The following IRAK1BP1 variants were observed in gnomAD, a reference collection of about 807,000 sequenced individuals.
IRAK1BP1 encodes the protein interleukin 1 receptor associated kinase 1 binding protein 1.
A neutral mutation model predicts 28.0 loss-of-function variants in IRAK1BP1; 24 were observed. That is an observed-to-expected ratio of 0.86 (90% CI 0.62 to 1.20). The LOEUF is 1.20. IRAK1BP1 is among the 50% of genes most tolerant of loss of function. The pLI, the probability that IRAK1BP1 is intolerant of heterozygous loss-of-function variation, is 0.00. For synonymous variants in IRAK1BP1, 131 were observed against 116.3 expected (o/e 1.13, Z -0.81); for missense variants, 336 against 316.7 (o/e 1.06, Z -0.46).
intron 3 of IRAK1BP1, 29 bp downstream of exon 3, chr6:78,897,988 T>A (rs777725608): frequency 1.5e-5 from 24 of 1,611,254 alleles, no homozygotes; most frequent in Non-Finnish European, 1.9e-5. Flanking sequence ...TTAACTAAGA[T>A]ATTCTTTAAA....
chr6:78,879,020 T>C (rs951790861), intron 1 of IRAK1BP1, among the ~76,000 whole-genome samples: 5 of 152,196 alleles, frequency 3.3e-5, no homozygotes, highest in Non-Finnish European at 7.3e-5. Flanking sequence ...CTACGTCTGA[T>C]TGGTGTACCT....
intron 4 of IRAK1BP1, among the ~76,000 whole-genome samples, chr6:78,921,733 A>G (rs1276114791): frequency 6.6e-6 from 1 of 152,180 alleles, no homozygotes; most frequent in East Asian, 1.9e-4. Flanking sequence ...AAACTTCCAG[A>G]GGAACGATCA....
the IRAK1BP1 span, chr6:78,958,032 C>T: frequency 6.5e-6 from 1 of 154,386 alleles, no homozygotes; most frequent in South Asian, 2.0e-4. Context: ...ACCGTGCAAC[C>T]TTATACATGT....
the IRAK1BP1 span, among the ~76,000 whole-genome samples, chr6:78,969,604 A>G: frequency 6.6e-6 from 1 of 152,294 alleles, no homozygotes; most frequent in Non-Finnish European, 1.5e-5. Flanking sequence ...ACATGAAAAT[A>G]AAGTCAAATG....
At chr6:78,940,968 C>T (rs375999660) in intron 4 of IRAK1BP1, 1 of 1,613,844 alleles carries the variant, frequency 6.2e-7, no homozygotes, top group Non-Finnish European at 8.5e-7. Context: ...CTTGCAGGGA[C>T]TAGGAGATCT....
chr6:78,972,813 AG>A, the IRAK1BP1 span, among the ~76,000 whole-genome samples: 1 of 152,208 alleles, frequency 6.6e-6, no homozygotes, highest in Admixed American at 6.5e-5. Context: ...TGAAGCGAGA[AG>A]GGAAGTTTAG....
intron 2 of IRAK1BP1, among the ~76,000 whole-genome samples, chr6:78,895,536 A>G (rs1205931398): frequency 6.6e-6 from 1 of 152,204 alleles, no homozygotes; most frequent in African/African-American, 2.4e-5. Flanking sequence ...ACATGCAGGT[A>G]TAAAGAATAA....
At chr6:78,912,362 A>T (rs1004864446) in intron 4 of IRAK1BP1, among the ~76,000 whole-genome samples, 8 of 152,192 alleles carry the variant, frequency 5.3e-5, no homozygotes, top group Non-Finnish European at 8.8e-5. Context: ...CATCAAAAAA[A>T]TTGCTTGAGT....
At chr6:78,878,662 GAGA>G (rs1228715768) in intron 1 of IRAK1BP1, among the ~76,000 whole-genome samples, 4 of 152,196 alleles carry the variant, frequency 2.6e-5, no homozygotes, top group African/African-American at 2.4e-5. Flanking sequence ...GACAAGTTGA[GAGA>G]AGAAGGCTTC....
the IRAK1BP1 span, among the ~76,000 whole-genome samples, chr6:78,977,539 C>T: frequency 3.1e-4 from 47 of 151,998 alleles, no homozygotes; most frequent in South Asian, 9.4e-3. Flanking sequence ...ACCATTATTG[C>T]TCCAGTTGTC....
At position 78,885,133 on chromosome 6, in the gene IRAK1BP1, T is replaced by C. The variant is rs115912377; in HGVS notation, c.316-245T>C. ...AAAAATGAAAACCATTCAACCTTTA[T>C]ACAAATTGAAAAGAATAAAACTATT... On this transcript the variant is annotated intron_variant, in intron 1 of 3. Coordinates refer to ENST00000369940, the MANE Select transcript of IRAK1BP1 (RefSeq NM_001010844.4). Among the ~76,000 whole-genome samples the C allele has an allele frequency of 8.0e-3, 1,221 of 152,194 alleles. 13 individuals are homozygous for C. The highest frequency in any genetic ancestry group is 0.027 in the African/African-American group (1,123 of 41,544).
chr6:78,948,481 A>G (rs1385532816), downstream of IRAK1BP1, among the ~76,000 whole-genome samples: 1 of 152,044 alleles, frequency 6.6e-6, no homozygotes, highest in Non-Finnish European at 1.5e-5. Flanking sequence ...TTTTTTTAGC[A>G]GGGACAAAGA....
At chr6:78,878,920 A>G (rs533976840) in intron 1 of IRAK1BP1, among the ~76,000 whole-genome samples, 211 of 152,334 alleles carry the variant, frequency 1.4e-3, no homozygotes, top group African/African-American at 4.8e-3. Context: ...GATCAAATGA[A>G]TGAAATGAAG....
intron 4 of IRAK1BP1, among the ~76,000 whole-genome samples, chr6:78,914,371 T>G (rs1772502939): frequency 6.6e-6 from 1 of 152,202 alleles, no homozygotes; most frequent in Non-Finnish European, 1.5e-5. Context: ...TTAAAATGAT[T>G]TGTATAATAC....
chr6:78,879,098 C>A (rs1771121137), intron 1 of IRAK1BP1, among the ~76,000 whole-genome samples: 1 of 151,996 alleles, frequency 6.6e-6, no homozygotes, highest in South Asian at 2.1e-4. Flanking sequence ...GAGAACTTCC[C>A]CAACCTAGCA....
At chr6:78,894,045 T>C (rs568506915) in intron 2 of IRAK1BP1, among the ~76,000 whole-genome samples, 112 of 152,300 alleles carry the variant, frequency 7.4e-4, no homozygotes, top group African/African-American at 2.6e-3. Context: ...TTCTTATATG[T>C]GAAATGATAT....
chr6:78,955,339 T>C, the IRAK1BP1 span: 10 of 1,223,576 alleles, frequency 8.2e-6, no homozygotes, highest in Admixed American at 3.6e-5. Flanking sequence ...TTATACTTTA[T>C]AGTTGATTAA....
At chr6:78,930,666 A>C (rs1206517009) in intron 4 of IRAK1BP1, among the ~76,000 whole-genome samples, 1 of 152,160 alleles carries the variant, frequency 6.6e-6, no homozygotes, top group Non-Finnish European at 1.5e-5. Flanking sequence ...ACCGTGGCTC[A>C]CACCTATAAT....
rs556781504 is a variant in IRAK1BP1, at chr6:78,946,174, G to A, written c.*834G>A. 4.9e-5 allele frequency: 79 copies of A among 1,613,846 alleles called. No individual in the cohort carries two copies. The highest frequency in any genetic ancestry group is 1.6e-4 in the Middle Eastern group (1 of 6,062). ...TATCTGAGCAGCATTGTGTCTTGGC[G>A]GTATTGATCGTGTAGGTGTAGAGAA... On this transcript the variant is annotated 3_prime_UTR_variant and NMD_transcript_variant, in exon 5 of 5. Coordinates refer to the IRAK1BP1 transcript ENST00000606868.
Sources: gnomAD v4.1 joint callset for allele counts (sites outside exome capture counted in the v4.1 genomes callset) on GRCh38, gnomAD v4.1.1 for gene constraint, MANE v1.5 for transcripts, NCBI Gene and HGNC (gene_info 2026-07-23, HGNC 2026-07-21) for gene names.